PHF3: variants seen among roughly 807,000 people sequenced by gnomAD.
PHF3 encodes PHD finger protein 3.
In PHF3, 41 loss-of-function variants were observed where a neutral mutation model predicts 178.4. The ratio of observed to expected loss-of-function variants is 0.23; its 90% CI spans 0.18 to 0.30. The LOEUF (loss-of-function observed/expected upper bound fraction) is 0.30. Ranked by LOEUF, PHF3 falls within the 10% of genes least tolerant of loss-of-function variation. The pLI, the probability that PHF3 is intolerant of heterozygous loss-of-function variation, is 1.00. For synonymous variants in PHF3, 842 were observed against 800.5 expected, an observed-to-expected ratio of 1.05 and a Z score of -0.88; for missense variants, 2,346 against 2,398.1, an observed-to-expected ratio of 0.98 and a Z score of 0.45.
In PHF3 at chr6:63,692,042, G is replaced by A. The variant is rs923573294; in HGVS notation, c.2495G>A (p.Arg832Gln). The A allele has an allele frequency of 2.5e-6, 4 of 1,597,546 alleles. No homozygotes were observed. Among genetic ancestry groups the A allele is most frequent in the African/African-American group, 2.7e-5 (2 of 74,200 alleles). Residue 832 changes from arginine to glutamine, a missense_variant and splice_region_variant, in exon 5 of 16, where the codon CGG (arginine) becomes CAG (glutamine). Physicochemically the swap from Arg to Gln is conservative, Grantham distance 43. Transcript: ENST00000262043. ...TVKHKVKILK[R>Q]ESGEGRNSSD... ...AAGCACAAGGTCAAAATTTTAAAAC[G>A]GGTGAGCTCTTCATTAATGCATTAT...
rs549093418 is a variant in PHF3 at position 63,701,688 on chromosome 6, C to T, written c.3100-820C>T. ...GGCCTTGATTTGACATATCATACTT[C>T]TTCATACATTCCTTTACCTTCACCG... On this transcript the variant is annotated intron_variant, in intron 9 of 15. Transcript: ENST00000262043. 4.6e-5 allele frequency among the ~76,000 whole-genome samples: 7 copies of T among 152,262 alleles called. 2 individuals carry two copies. The highest frequency in any genetic ancestry group is 1.7e-4 in the African/African-American group (7 of 41,536).
At position 63,715,100 on chromosome 6, in the gene PHF3, C is replaced by T. The variant is rs547974207; in HGVS notation, c.*1392C>T. ...CAAAATTGATTGTTTTCCTAAAGAG[C>T]TTAAAGATTAGAGTTAAAAATTGGT... On this transcript the variant is annotated 3_prime_UTR_variant, in exon 16 of 16. Coordinates refer to ENST00000262043, the MANE Select transcript of PHF3 (RefSeq NM_001370348.2). 6.6e-6 allele frequency: 1 copy of T among 152,128 alleles called. No individual in the cohort carries two copies. The highest frequency in any genetic ancestry group is 2.1e-4 in the South Asian group (1 of 4,812). 9.4% of individuals were successfully genotyped at this position (152,128 alleles called of 1,614,324 possible). A position where few individuals can be genotyped will look rare whatever the true frequency, so the allele number is the denominator to read the frequency against.
chr6:63,660,855 T>C (rs1765436665), intron 2 of PHF3, among the ~76,000 whole-genome samples: 1 of 152,200 alleles, frequency 6.6e-6, no homozygotes. Flanking sequence ...TAAAAGGCAA[T>C]GCCTTTTCAA....
intron 1 of PHF3, among the ~76,000 whole-genome samples, chr6:63,643,024 T>C (rs1764641861): frequency 6.6e-6 from 1 of 152,174 alleles, no homozygotes; most frequent in South Asian, 2.1e-4. Context: ...ACATCTGACA[T>C]AAAGCTAGTG....
intron 10 of PHF3, 120 bp downstream of exon 10, chr6:63,702,759 C>T (rs1767528831): frequency 1.0e-6 from 1 of 981,860 alleles, no homozygotes; most frequent in Non-Finnish European, 1.5e-6. Flanking sequence ...TTAAAAGTAG[C>T]CTATTTTATT....
At chr6:63,702,226 A>G (rs1767505471) in intron 9 of PHF3, 1 of 181,368 alleles carries the variant, frequency 5.5e-6, no homozygotes, top group Admixed American at 5.8e-5. Flanking sequence ...ATGTTTCACC[A>G]CTTTGCAAAT....
At chr6:63,710,681 T>A (rs979686760) in intron 14 of PHF3, among the ~76,000 whole-genome samples, 2 of 152,220 alleles carry the variant, frequency 1.3e-5, no homozygotes, top group Non-Finnish European at 2.9e-5. Context: ...CTAAATTCAG[T>A]GCCTAGTAAC....
rs894552598 is a variant in PHF3 at position 63,685,180 on chromosome 6, A to G, written c.1458A>G (p.Val486=). 8 of 1,613,880 alleles carry G rather than the reference A, an allele frequency of 5.0e-6. No individual in the cohort carries two copies. The African/African-American group carries it at 1.1e-4, about 22-fold the overall frequency. The stretch of plus-strand genomic sequence containing the variant: ...TTTCTTACTTAGAGTCAAAAAGTGT[A>G]AAATCCAAACATACAAAACCTGTAA... The part of the protein sequence containing the change: ...SSVSYLESKS[V]KSKHTKPVIH... The change falls in exon 4 of 16, where the codon GTA becomes GTG. Residue 486 remains valine, a synonymous_variant. Coordinates refer to ENST00000262043, the MANE Select transcript of PHF3 (RefSeq NM_001370348.2).
chr6:63,636,202 C>T (rs1764322671), intron 1 of PHF3, 52 bp downstream of exon 1: 3 of 363,582 alleles, frequency 8.3e-6, no homozygotes, highest in East Asian at 7.9e-5. Flanking sequence ...CTCCCCTCCC[C>T]CATCCCCTTC....
chr6:63,703,740 A>C, intron 11 of PHF3, 69 bp downstream of exon 11: 1 of 1,431,342 alleles, frequency 7.0e-7, no homozygotes, highest in Admixed American at 2.2e-5. Context: ...ATACTAGTAT[A>C]TGTAATTTAA....
intron 2 of PHF3, among the ~76,000 whole-genome samples, chr6:63,679,278 A>C (rs546200801): frequency 6.3e-4 from 96 of 152,172 alleles, no homozygotes; most frequent in African/African-American, 2.3e-3. Flanking sequence ...GTACGGTGTT[A>C]CTATTTCTTT....
intron 2 of PHF3, among the ~76,000 whole-genome samples, chr6:63,666,035 T>C (rs1169139729): frequency 1.3e-5 from 2 of 152,186 alleles, no homozygotes; most frequent in Non-Finnish European, 2.9e-5. Flanking sequence ...TGATTTCTTT[T>C]TAAAATTTAG....
intron 2 of PHF3, among the ~76,000 whole-genome samples, chr6:63,647,142 A>G (rs947743939): frequency 6.6e-6 from 1 of 151,964 alleles, no homozygotes; most frequent in Non-Finnish European, 1.5e-5. Flanking sequence ...TCTTTAGTAA[A>G]TAGGGATTGC....
chr6:63,686,044 A>G (rs942312411), intron 4 of PHF3, 133 bp downstream of exon 4: 1 of 617,444 alleles, frequency 1.6e-6, no homozygotes. Flanking sequence ...AAAAAGCTTC[A>G]TCAGTCTTGG....
In PHF3 at chr6:63,685,452, A is replaced by G; in HGVS notation, c.1730A>G (p.Lys577Arg). Residue 577 changes from lysine (K) to arginine (R), a missense_variant, in exon 4 of 16, where the codon AAA becomes AGA. Lys to Arg is a conservative substitution (Grantham distance 26). Transcript: ENST00000262043. ...SVKNQAHSVLKKTLQDQTLVQ... is the reference protein window; with the variant it reads ...SVKNQAHSVLRKTLQDQTLVQ... ...AAAAACCAAGCTCATTCTGTACTGA[A>G]AAAAACATTACAGGATCAAACTTTA... is the stretch of plus-strand genomic sequence containing the variant. 6.2e-7 allele frequency: 1 copy of G among 1,614,158 alleles called. No individual in the cohort carries two copies. The highest frequency in any genetic ancestry group is 8.5e-7 in the Non-Finnish European group (1 of 1,180,010).
rs1335484839 is a variant in PHF3 at position 63,720,106 on chromosome 6, G to C, written c.*6398G>C. On this transcript the variant is annotated 3_prime_UTR_variant, in exon 16 of 16. Transcript: ENST00000262043. ...TTACATTGTTGAATCATATAAATAA[G>C]TTGTAGCTAAGCCATGTAATACAAT... 1.3e-5 allele frequency: 2 copies of C among 157,084 alleles called. No homozygotes were observed. The highest frequency in any genetic ancestry group is 2.8e-5 in the Non-Finnish European group (2 of 71,526). The allele number at this position is 157,084 out of a possible 1,614,324, so 9.7% of individuals were successfully genotyped here. A position where few individuals can be genotyped will look rare whatever the true frequency, so the allele number is the denominator to read the frequency against.
At chr6:63,664,681 A>G (rs1022189350) in intron 2 of PHF3, among the ~76,000 whole-genome samples, 28 of 152,130 alleles carry the variant, frequency 1.8e-4, no homozygotes, top group African/African-American at 6.3e-4. Context: ...CTTGGAATGC[A>G]TTATGATTGC....
In PHF3 at chr6:63,684,768, C is replaced by G. The variant is rs776695139; in HGVS notation, c.1046C>G (p.Ala349Gly). The change falls in exon 4 of 16, where the codon GCT (alanine) becomes GGT (glycine). Residue 349 changes from alanine to glycine, a missense_variant. Around this residue, in one of 8 missense-constraint regions of PHF3, gnomAD observed 843 missense variants for 795.2 expected, o/e 1.06. Coordinates refer to ENST00000262043, the MANE Select transcript of PHF3 (RefSeq NM_001370348.2). ...AGSSDISSDA[A>G]CTNPNKTENS... ...TCTTCTGATATTTCTAGTGATGCTGCTTGTACAAATCCAAATAAGACAGAA... is the reference window on the plus strand; with the variant it reads ...TCTTCTGATATTTCTAGTGATGCTGGTTGTACAAATCCAAATAAGACAGAA... 3.1e-6 allele frequency: 5 copies of G among 1,613,806 alleles called. No homozygotes were observed. Among genetic ancestry groups the G allele is most frequent in the Non-Finnish European group, 4.2e-6 (5 of 1,179,870 alleles).
At chr6:63,652,884 G>T (rs1765074885) in intron 2 of PHF3, among the ~76,000 whole-genome samples, 1 of 151,930 alleles carries the variant, frequency 6.6e-6, no homozygotes, top group Admixed American at 6.6e-5. Context: ...TGTTCCATTG[G>T]TGTGTATGTC....
Sources: gnomAD v4.1 joint callset for allele counts (sites outside exome capture counted in the v4.1 genomes callset) on GRCh38, gnomAD v4.1.1 for gene constraint, gnomAD v4.1.1 regional missense constraint, MANE v1.5 for transcripts, NCBI Gene and HGNC (gene_info 2026-07-23, HGNC 2026-07-21) for gene names.